Variants in MAP3K7CL observed in about 807,000 individuals in gnomAD.
MAP3K7CL encodes the protein MAP3K7 C-terminal like, also known as MAP3K7 C-terminal-like protein.
A neutral mutation model predicts 18.6 loss-of-function variants in MAP3K7CL; 16 were observed. The ratio of observed to expected loss-of-function variants is 0.86; its 90% confidence interval spans 0.58 to 1.31. MAP3K7CL has a LOEUF of 1.31. Among genes scored for constraint, MAP3K7CL ranks in the 50% most tolerant of loss-of-function variants. The pLI is 0.00. For synonymous variants in MAP3K7CL, 65 were observed against 66.8 expected, an observed-to-expected ratio of 0.97 and a Z score of 0.13; for missense variants, 163 against 174.4, an observed-to-expected ratio of 0.93 and a Z score of 0.37.
chr21:29,137,391 G>A (rs2086909214), intron 2 of MAP3K7CL, among the ~76,000 whole-genome samples: 1 of 152,182 alleles, frequency 6.6e-6, no homozygotes, highest in South Asian at 2.1e-4. Context: ...TATGGGCTTT[G>A]TAAGGCAAGA....
Position 29,160,012 on chromosome 21 carries a change from A to G in MAP3K7CL, c.204A>G (p.Glu68=). The G allele has an allele frequency of 6.2e-7, 1 of 1,614,142 alleles. No homozygotes were observed. The highest frequency in any genetic ancestry group is 1.3e-5 in the African/African-American group (1 of 75,060). ...AACAGCACTGCCAAATAGCAGAAGA[A>G]TACCATGAGGTCAAAAAGGAAATCA... ...VFKQHCQIAE[E]YHEVKKEITL... The change falls in exon 4 of 5, where the codon GAA becomes GAG. Residue 68 remains glutamate, a synonymous_variant. Transcript: ENST00000399928.
At chr21:29,132,913 A>C (rs1001705154) in intron 1 of MAP3K7CL, among the ~76,000 whole-genome samples, 1 of 152,198 alleles carries the variant, frequency 6.6e-6, no homozygotes, top group African/African-American at 2.4e-5. Context: ...AGCAAGTCTA[A>C]TCTGAAGCCA....
chr21:29,121,964 G>C (rs1018981285), intron 4 of MAP3K7CL: 2 of 152,024 alleles, frequency 1.3e-5, no homozygotes, highest in African/African-American at 4.8e-5. Flanking sequence ...GCCACAGAGG[G>C]AAAGTCCTGC....
intron 4 of MAP3K7CL, among the ~76,000 whole-genome samples, chr21:29,115,111 G>A (rs1361992547): frequency 1.3e-5 from 2 of 152,152 alleles, no homozygotes; most frequent in Admixed American, 1.3e-4. Context: ...TTCCTTTGAT[G>A]TGTCCCGCCT....
chr21:29,173,830 T>A (rs1184059554), intron 4 of MAP3K7CL, among the ~76,000 whole-genome samples: 1 of 152,070 alleles, frequency 6.6e-6, no homozygotes, highest in South Asian at 2.1e-4. Flanking sequence ...GCCTCCCGAG[T>A]AGCTGGAACT....
At chr21:29,165,336 T>A (rs1480709792) in intron 4 of MAP3K7CL, among the ~76,000 whole-genome samples, 1 of 152,206 alleles carries the variant, frequency 6.6e-6, no homozygotes, top group Non-Finnish European at 1.5e-5. Context: ...TTTTAATTTT[T>A]ATTTTTTAAT....
chr21:29,084,219 C>G (rs1372467501), upstream of MAP3K7CL, among the ~76,000 whole-genome samples: 1 of 151,860 alleles, frequency 6.6e-6, no homozygotes, highest in Admixed American at 6.6e-5. Context: ...AAACTGGAAA[C>G]ACTACCACAT....
rs201789157 is a variant in MAP3K7CL, at chr21:29,171,822, A to C, written c.249-2890A>C. Among the ~76,000 whole-genome samples, 113 of 151,630 alleles carry C rather than the reference A, an allele frequency of 7.5e-4. 2 individuals are homozygous for C. The East Asian group carries it at 0.019, about 25-fold the overall frequency. On this transcript the variant is annotated intron_variant, in intron 4 of 4. Transcript: ENST00000399928. ...ACTCCATCTCAAAAAAAAAAAAAAAAAAAAAAACAACACTCCCATATATCC... is the reference window on the plus strand; with the variant it reads ...ACTCCATCTCAAAAAAAAAAAAAAACAAAAAAACAACACTCCCATATATCC...
At chr21:29,147,641 G>T (rs1185273294) in intron 2 of MAP3K7CL, among the ~76,000 whole-genome samples, 1 of 151,214 alleles carries the variant, frequency 6.6e-6, no homozygotes, top group Non-Finnish European at 1.5e-5. Flanking sequence ...TACCTGTACT[G>T]TATGTGTGTA....
upstream of MAP3K7CL, chr21:29,085,741 A>G (rs1482953449): frequency 1.1e-6 from 1 of 920,400 alleles, no homozygotes; most frequent in East Asian, 2.4e-5. Flanking sequence ...TGCCAACGGC[A>G]TGGTTAGTAT....
chr21:29,129,304 G>A (rs942080295), upstream of MAP3K7CL, among the ~76,000 whole-genome samples: 2 of 152,122 alleles, frequency 1.3e-5, no homozygotes, highest in African/African-American at 4.8e-5. Flanking sequence ...TAGTTTCACT[G>A]CCCTAAAAAT....
At chr21:29,088,407 G>A (rs147007336) in intron 1 of MAP3K7CL, among the ~76,000 whole-genome samples, 5 of 152,120 alleles carry the variant, frequency 3.3e-5, no homozygotes, top group Admixed American at 1.3e-4. Context: ...TTACATTTTC[G>A]CACTGTTTTG....
At chr21:29,107,580 T>G (rs778127884) in intron 4 of MAP3K7CL, among the ~76,000 whole-genome samples, 4 of 152,134 alleles carry the variant, frequency 2.6e-5, no homozygotes, top group African/African-American at 7.2e-5. Flanking sequence ...TGGGAAAGAT[T>G]TTCTTCCCTT....
intron 1 of MAP3K7CL, among the ~76,000 whole-genome samples, chr21:29,086,923 C>T (rs2832160): frequency 0.17 from 26,228 of 152,122 alleles, 2,502 homozygotes; most frequent in African/African-American, 0.26. Context: ...TCAGTCTTCA[C>T]GACCATCCTG....
rs2146486987 is a variant in MAP3K7CL, at chr21:29,087,075, CCTT to C, written c.57+1162_57+1164del. On this transcript the variant is annotated intron_variant, in intron 1 of 6. Coordinates refer to the MAP3K7CL transcript ENST00000286791. ...CACTTGCTCTGCCCCAGCCACACTA[CCTT>C]CTTTTTGTTCTTGTGACATGCCACA... 2.0e-5 allele frequency among the ~76,000 whole-genome samples: 3 copies of C among 152,278 alleles called. No individual in the cohort carries two copies. The South Asian group carries it at 6.2e-4, about 32-fold the overall frequency.
At chr21:29,110,727 G>A (rs1173471800) in intron 4 of MAP3K7CL, among the ~76,000 whole-genome samples, 1 of 152,010 alleles carries the variant, frequency 6.6e-6, no homozygotes, top group East Asian at 1.9e-4. Context: ...CTATTTGCTG[G>A]TAGTTCCTAA....
chr21:29,141,558 A>G (rs1265010932), intron 2 of MAP3K7CL, among the ~76,000 whole-genome samples: 1 of 152,142 alleles, frequency 6.6e-6, no homozygotes. Context: ...TAACTGAATC[A>G]AGTCTCTTTT....
Position 29,134,831 on chromosome 21 carries a change from C to T in MAP3K7CL, c.70+1417C>T, listed in dbSNP as rs147148940. Among the ~76,000 whole-genome samples the T allele has an allele frequency of 4.6e-5, 7 of 152,284 alleles. No individual in the cohort carries two copies. In the East Asian group the frequency reaches 9.7e-4, roughly 21 times the overall value. On this transcript the variant is annotated intron_variant, in intron 2 of 4. Transcript: ENST00000399928. ...TTGGGAGGCCAAGGCAGGTGGATCA[C>T]GAGGTCAGGAGATTGAGACCATTCT...
intron 1 of MAP3K7CL, among the ~76,000 whole-genome samples, chr21:29,079,147 T>A (rs918213571): frequency 3.3e-5 from 5 of 152,302 alleles, no homozygotes; most frequent in Middle Eastern, 6.8e-3. Context: ...ATCAGAACAC[T>A]GGAGGTGATG....
Sources: gnomAD v4.1 joint callset for allele counts (sites outside exome capture counted in the v4.1 genomes callset) on GRCh38, gnomAD v4.1.1 for gene constraint, MANE v1.5 for transcripts, NCBI Gene and HGNC (gene_info 2026-07-23, HGNC 2026-07-21) for gene names.